The following TAFA4 variants were observed in gnomAD, a reference collection of about 807,000 sequenced individuals.
TAFA4 encodes chemokine-like protein TAFA-4.
Under a neutral mutation model 21.1 loss-of-function variants are expected in TAFA4, and 20 were observed. The observed-to-expected ratio is 0.95, with a 90% confidence interval of 0.67 to 1.38. The LOEUF (loss-of-function observed/expected upper bound fraction) is 1.38. Among genes scored for constraint, TAFA4 ranks in the 40% most tolerant of loss-of-function variants. The probability of loss-of-function intolerance (pLI) is 0.00; values close to 1 mark genes in which losing one functional copy is unlikely to be tolerated. For missense variants in TAFA4, 211 were observed against 180.9 expected (o/e 1.17, Z -0.95); for synonymous variants, 71 against 67.4 (o/e 1.05, Z -0.26).
intron 1 of TAFA4, among the ~76,000 whole-genome samples, chr3:68,913,404 G>A (rs1382511599): frequency 1.3e-5 from 2 of 152,106 alleles, no homozygotes; most frequent in Non-Finnish European, 2.9e-5. Context: ...CCGGTGGCTG[G>A]GCGGAGTTGC....
intron 2 of TAFA4, 88 bp downstream of exon 2, chr3:68,885,087 G>T: frequency 7.7e-7 from 1 of 1,290,544 alleles, no homozygotes; most frequent in Non-Finnish European, 1.1e-6. Flanking sequence ...TTCTAAAACG[G>T]ATCATCAACT....
intron 1 of TAFA4, among the ~76,000 whole-genome samples, chr3:68,899,508 C>T (rs528723131): frequency 6.6e-6 from 1 of 152,118 alleles, no homozygotes; most frequent in East Asian, 1.9e-4. Context: ...GGAAGCCATT[C>T]CTCCTATTCA....
At chr3:68,843,841 T>A (rs934547315) in intron 3 of TAFA4, among the ~76,000 whole-genome samples, 3 of 152,242 alleles carry the variant, frequency 2.0e-5, no homozygotes, top group Non-Finnish European at 4.4e-5. Flanking sequence ...ATATGTTGAA[T>A]CAGCCTTGCA....
chr3:68,852,349 C>A (rs1704970019), intron 3 of TAFA4, among the ~76,000 whole-genome samples: 1 of 152,128 alleles, frequency 6.6e-6, no homozygotes, highest in Admixed American at 6.5e-5. Flanking sequence ...CCAGAACATA[C>A]TCGTATTTGG....
intron 3 of TAFA4, among the ~76,000 whole-genome samples, chr3:68,807,727 G>C (rs188982584): frequency 6.6e-6 from 1 of 152,154 alleles, no homozygotes; most frequent in African/African-American, 2.4e-5. Flanking sequence ...GAGTTGTTTT[G>C]TTCAGAGCTT....
At chr3:68,850,156 T>C (rs62256066) in intron 3 of TAFA4, among the ~76,000 whole-genome samples, 52,042 of 151,998 alleles carry the variant, frequency 0.34, 9,182 homozygotes, top group Non-Finnish European at 0.38. Context: ...TTCAAATAAA[T>C]GCAACTCATT....
intron 3 of TAFA4, among the ~76,000 whole-genome samples, chr3:68,760,698 A>G (rs1575598432): frequency 6.6e-6 from 1 of 152,348 alleles, no homozygotes; most frequent in Middle Eastern, 3.4e-3. Flanking sequence ...TGAAAGCAGA[A>G]AATGAGGCCA....
chr3:68,815,250 A>G (rs890454271), intron 3 of TAFA4, among the ~76,000 whole-genome samples: 8 of 152,214 alleles, frequency 5.3e-5, no homozygotes, highest in Admixed American at 2.0e-4. Flanking sequence ...GGACATAGGC[A>G]TGGGCAAGGA....
At chr3:68,783,695 G>A (rs1390619939) in intron 3 of TAFA4, among the ~76,000 whole-genome samples, 10 of 98,316 alleles carry the variant, frequency 1.0e-4, no homozygotes, top group African/African-American at 2.9e-4. Flanking sequence ...GAGAGAGAGA[G>A]AGAGAGAGAG....
At chr3:68,750,935 A>G (rs1053823886) in intron 4 of TAFA4, among the ~76,000 whole-genome samples, 1 of 152,182 alleles carries the variant, frequency 6.6e-6, no homozygotes, top group African/African-American at 2.4e-5. Flanking sequence ...ATCCCCATCC[A>G]CAAGCTGTTT....
chr3:68,851,686 G>T (rs1478525586), intron 3 of TAFA4, among the ~76,000 whole-genome samples: 1 of 152,086 alleles, frequency 6.6e-6, no homozygotes, highest in Non-Finnish European at 1.5e-5. Context: ...TGCACAACTT[G>T]CCATTACCTG....
chr3:68,801,395 G>C (rs1428667598), intron 3 of TAFA4, among the ~76,000 whole-genome samples: 1 of 152,150 alleles, frequency 6.6e-6, no homozygotes, highest in African/African-American at 2.4e-5. Context: ...ATAGGTCCAG[G>C]TTAAGAACCA....
intron 1 of TAFA4, among the ~76,000 whole-genome samples, chr3:68,927,474 G>A (rs1559566067): frequency 6.6e-6 from 1 of 152,158 alleles, no homozygotes; most frequent in East Asian, 1.9e-4. Context: ...CTGAAATACT[G>A]TAGAATGTTC....
intron 3 of TAFA4, among the ~76,000 whole-genome samples, chr3:68,811,952 C>A (rs993205179): frequency 6.6e-6 from 1 of 152,044 alleles, no homozygotes; most frequent in African/African-American, 2.4e-5. Context: ...CAAAGGGAAG[C>A]CCATCAGACT....
At chr3:68,925,205 G>C (rs2090096569) in intron 1 of TAFA4, among the ~76,000 whole-genome samples, 1 of 151,364 alleles carries the variant, frequency 6.6e-6, no homozygotes, top group South Asian at 2.1e-4. Context: ...GGATATCTCT[G>C]TGTGTGCGTG....
chr3:68,779,595 G>C (rs1372189281), intron 3 of TAFA4, among the ~76,000 whole-genome samples: 4 of 152,202 alleles, frequency 2.6e-5, no homozygotes, highest in Admixed American at 1.3e-4. Flanking sequence ...TGTTGCTTCA[G>C]AGGGTTGAAG....
At chr3:68,768,630 A>G (rs1387858496) in intron 3 of TAFA4, among the ~76,000 whole-genome samples, 1 of 152,014 alleles carries the variant, frequency 6.6e-6, no homozygotes, top group African/African-American at 2.4e-5. Flanking sequence ...TCATATGCCA[A>G]AAAAAATAGC....
At chr3:68,851,658 A>T (rs1173492525) in intron 3 of TAFA4, among the ~76,000 whole-genome samples, 2 of 152,004 alleles carry the variant, frequency 1.3e-5, no homozygotes, top group African/African-American at 4.8e-5. Flanking sequence ...CAATATGCAC[A>T]CTCTCCCAGA....
intron 3 of TAFA4, among the ~76,000 whole-genome samples, chr3:68,815,865 CAT>C (rs1417184571): frequency 6.6e-6 from 1 of 152,184 alleles, no homozygotes; most frequent in Non-Finnish European, 1.5e-5. Flanking sequence ...CACATGCACA[CAT>C]ATGTTTATTG....
Sources: gnomAD v4.1 joint callset for allele counts (sites outside exome capture counted in the v4.1 genomes callset) on GRCh38, gnomAD v4.1.1 for gene constraint, MANE v1.5 for transcripts, NCBI Gene and HGNC (gene_info 2026-07-23, HGNC 2026-07-21) for gene names.